PATJ: variants seen among roughly 807,000 people sequenced by gnomAD.
PATJ encodes PATJ crumbs cell polarity complex component.
A neutral mutation model predicts 224.9 loss-of-function variants in PATJ; 190 were observed. That is an observed-to-expected ratio of 0.84 (90% confidence interval 0.75 to 0.95). The LOEUF is 0.95. PATJ is among the 40% of genes least tolerant of loss of function. The pLI is 0.00. For synonymous variants in PATJ, 769 were observed against 820.3 expected (o/e 0.94, Z 1.07); for missense variants, 2,121 against 2,270.3 (o/e 0.93, Z 1.34).
intron 27 of PATJ, among the ~76,000 whole-genome samples, chr1:61,945,842 A>G (rs144013274): frequency 0.011 from 1,635 of 152,358 alleles, 26 homozygotes; most frequent in Non-Finnish European, 0.016. Context: ...CAAATGCAAA[A>G]GAACAGAAAT....
At chr1:61,868,660 A>G (rs1665776980) in intron 20 of PATJ, among the ~76,000 whole-genome samples, 1 of 152,080 alleles carries the variant, frequency 6.6e-6, no homozygotes, top group Non-Finnish European at 1.5e-5. Context: ...ATGGTGGTGC[A>G]TGCCTGTGGT....
intron 17 of PATJ, among the ~76,000 whole-genome samples, chr1:61,853,915 AAG>A (rs1354342134): frequency 6.6e-6 from 1 of 152,180 alleles, no homozygotes; most frequent in African/African-American, 2.4e-5. Context: ...GAAAATTTTG[AAG>A]AGTCTCTTGA....
At chr1:61,795,637 G>T in intron 10 of PATJ, 79 bp downstream of exon 10, 1 of 797,876 alleles carries the variant, frequency 1.3e-6, no homozygotes, top group Non-Finnish European at 2.1e-6. Flanking sequence ...TGTGAGAGGG[G>T]GAATAGCTTA....
chr1:61,999,820 T>C (rs1159797513), intron 28 of PATJ, among the ~76,000 whole-genome samples: 1 of 152,172 alleles, frequency 6.6e-6, no homozygotes, highest in Non-Finnish European at 1.5e-5. Context: ...CATATACATA[T>C]ACAGTTAAGG....
At chr1:61,960,754 C>T (rs1280313239) in intron 27 of PATJ, among the ~76,000 whole-genome samples, 2 of 151,348 alleles carry the variant, frequency 1.3e-5, no homozygotes, top group Admixed American at 1.3e-4. Flanking sequence ...AAAGAAATTT[C>T]CCAAAATCTT....
chr1:61,954,229 AGTC>A (rs1680112570), intron 27 of PATJ, among the ~76,000 whole-genome samples: 1 of 152,238 alleles, frequency 6.6e-6, no homozygotes, highest in Non-Finnish European at 1.5e-5. Context: ...CTTATGACTT[AGTC>A]TATCTTATAT....
At chr1:61,768,495 A>ATAAATAAATAAATAAG (rs1646421119) in intron 4 of PATJ, among the ~76,000 whole-genome samples, 2 of 151,702 alleles carry the variant, frequency 1.3e-5, no homozygotes, top group African/African-American at 4.8e-5. Context: ...AAATAAATAA[A>ATAAATAAATAAATAAG]TAGATATCAA....
chr1:61,747,515 A>G (rs529636172), intron 1 of PATJ, among the ~76,000 whole-genome samples: 2 of 152,354 alleles, frequency 1.3e-5, no homozygotes, highest in East Asian at 1.9e-4. Flanking sequence ...AAGAATGTTC[A>G]AGAATGTGTC....
chr1:61,993,327 G>C (rs1230639526), intron 28 of PATJ, among the ~76,000 whole-genome samples: 1 of 152,164 alleles, frequency 6.6e-6, no homozygotes, highest in African/African-American at 2.4e-5. Flanking sequence ...GGGGAGGGCA[G>C]AGTTTCCATG....
intron 33 of PATJ, among the ~76,000 whole-genome samples, chr1:62,089,847 C>A (rs1660501037): frequency 2.0e-5 from 3 of 152,100 alleles, no homozygotes; most frequent in Admixed American, 2.0e-4. Flanking sequence ...TACAGAAGAA[C>A]CTTCGCACAT....
At chr1:61,825,776 A>T (rs577355091) in intron 15 of PATJ, among the ~76,000 whole-genome samples, 1 of 152,250 alleles carries the variant, frequency 6.6e-6, no homozygotes, top group Non-Finnish European at 1.5e-5. Context: ...GCACTCCAAG[A>T]TAAAAACCTG....
chr1:62,143,860 G>A (rs373239898), intron 41 of PATJ, among the ~76,000 whole-genome samples: 35 of 152,228 alleles, frequency 2.3e-4, no homozygotes, highest in African/African-American at 8.2e-4. Flanking sequence ...CATGAGAGAT[G>A]AATGGAAGAA....
In PATJ at chr1:62,084,582, T is replaced by C. The variant is rs748331056; in HGVS notation, c.4311T>C (p.Ile1437=). 2 of 1,613,482 alleles carry C rather than the reference T, an allele frequency of 1.2e-6. No individual in the cohort carries two copies. Among genetic ancestry groups the C allele is most frequent in the Non-Finnish European group, 1.7e-6 (2 of 1,179,794 alleles). Residue 1437 remains isoleucine (I), a synonymous_variant, in exon 33 of 44, where the codon ATT becomes ATC. Transcript: ENST00000642238. ...CCATTGTCCCTGGACAGGAAATGAT[T>C]ATAGAAATATCCAAGGGACGTTCAG... ...TCPIVPGQEM[I]IEISKGRSGL...
At chr1:61,809,280 G>T (rs1405974372) in intron 14 of PATJ, among the ~76,000 whole-genome samples, 1 of 152,078 alleles carries the variant, frequency 6.6e-6, no homozygotes, top group African/African-American at 2.4e-5. Context: ...AAGGAAAGAT[G>T]TTCTTGCCTG....
intron 41 of PATJ, among the ~76,000 whole-genome samples, chr1:62,133,270 A>C (rs1174540153): frequency 6.6e-6 from 1 of 152,180 alleles, no homozygotes; most frequent in Non-Finnish European, 1.5e-5. Context: ...TGTACACACA[A>C]AAAAGAAATA....
chr1:61,922,192 A>G (rs1158967660), intron 26 of PATJ, among the ~76,000 whole-genome samples: 1 of 151,996 alleles, frequency 6.6e-6, no homozygotes, highest in Non-Finnish European at 1.5e-5. Flanking sequence ...ACAGGTGCAC[A>G]CCACCACACC....
chr1:62,021,747 T>C (rs1026304455), intron 29 of PATJ, among the ~76,000 whole-genome samples: 1 of 152,192 alleles, frequency 6.6e-6, no homozygotes, highest in Non-Finnish European at 1.5e-5. Flanking sequence ...ATTATAAGAA[T>C]CCTGATTTTG....
At chr1:62,056,154 C>A (rs1205440056) in intron 31 of PATJ, among the ~76,000 whole-genome samples, 1 of 152,130 alleles carries the variant, frequency 6.6e-6, no homozygotes. Flanking sequence ...AAATGCCCAT[C>A]ATTTCTGGAA....
At chr1:61,781,854 T>C (rs1051278788) in intron 7 of PATJ, among the ~76,000 whole-genome samples, 3 of 152,222 alleles carry the variant, frequency 2.0e-5, no homozygotes, top group Non-Finnish European at 1.5e-5. Flanking sequence ...AGGTGGAGAC[T>C]GGAGGAAACC....
Sources: allele counts gnomAD v4.1 joint callset (sites outside exome capture counted in the v4.1 genomes callset), GRCh38; gene constraint gnomAD v4.1.1; transcripts MANE v1.5; gene names NCBI Gene and HGNC (gene_info 2026-07-23, HGNC 2026-07-21).